PARP8: variants seen among roughly 807,000 people sequenced by gnomAD.
PARP8 encodes poly(ADP-ribose) polymerase family member 8, also known as protein mono-ADP-ribosyltransferase PARP8.
A neutral mutation model predicts 124.1 loss-of-function variants in PARP8; 51 were observed. The ratio of observed to expected loss-of-function variants is 0.41; its 90% CI spans 0.33 to 0.52. PARP8 has a LOEUF of 0.52. Ranked by LOEUF, PARP8 falls within the 20% of genes least tolerant of loss-of-function variation. The pLI is 0.21. For missense variants in PARP8, 860 were observed against 1,018.9 expected (o/e 0.84, Z 2.12); for synonymous variants, 391 against 361.5 (o/e 1.08, Z -0.93).
intron 7 of PARP8, among the ~76,000 whole-genome samples, chr5:50,771,790 T>C (rs1348337119): frequency 1.3e-5 from 2 of 152,238 alleles, no homozygotes; most frequent in African/African-American, 4.8e-5. Context: ...TCAATACATA[T>C]ATACATTGTG....
At chr5:50,751,852 G>A (rs1263202793) in intron 3 of PARP8, among the ~76,000 whole-genome samples, 1 of 152,132 alleles carries the variant, frequency 6.6e-6, no homozygotes, top group East Asian at 1.9e-4. Flanking sequence ...ATATGATAAT[G>A]TTTTCCCCAT....
At chr5:50,675,584 C>T (rs1010125212) in intron 2 of PARP8, among the ~76,000 whole-genome samples, 11 of 152,224 alleles carry the variant, frequency 7.2e-5, no homozygotes, top group African/African-American at 1.9e-4. Flanking sequence ...GTTGGGATTA[C>T]GGGCGTGAGC....
At chr5:50,799,168 T>C (rs1401052984) in intron 14 of PARP8, among the ~76,000 whole-genome samples, 1 of 152,216 alleles carries the variant, frequency 6.6e-6, no homozygotes, top group Non-Finnish European at 1.5e-5. Context: ...CACAGTGCAC[T>C]TATGTTTCCC....
In PARP8 at chr5:50,795,408, T is replaced by G; in HGVS notation, c.1419T>G (p.Ser473=). The G allele has an allele frequency of 6.3e-7, 1 of 1,590,836 alleles. No individual in the cohort carries two copies. The highest frequency in any genetic ancestry group is 8.5e-7 in the Non-Finnish European group (1 of 1,171,612). ...GILTPSSSSS[S]QLAPNGAKCI... Reference sequence around the variant, plus strand: ...TAACACCATCTTCATCTTCATCTTCTCAGCTTGCTGTGCGTAAATATTTTC... The same window carrying G: ...TAACACCATCTTCATCTTCATCTTCGCAGCTTGCTGTGCGTAAATATTTTC... Residue 473 remains serine, a synonymous_variant, in exon 12 of 26, where the codon TCT becomes TCG. Transcript: ENST00000281631.
intron 6 of PARP8, 67 bp downstream of exon 6, chr5:50,761,965 A>G (rs1760590001): frequency 1.9e-6 from 2 of 1,029,336 alleles, no homozygotes; most frequent in South Asian, 2.9e-5. Context: ...CCTAGTGGTA[A>G]TCTGTGCCTG....
At chr5:50,683,441 C>A (rs1156271536) in intron 2 of PARP8, among the ~76,000 whole-genome samples, 3 of 152,128 alleles carry the variant, frequency 2.0e-5, no homozygotes, top group Admixed American at 2.0e-4. Flanking sequence ...AGACACTATA[C>A]CAGCTTCCTG....
chr5:50,838,116 G>T (rs1408578434), intron 25 of PARP8, among the ~76,000 whole-genome samples: 2 of 152,006 alleles, frequency 1.3e-5, no homozygotes, highest in African/African-American at 2.4e-5. Flanking sequence ...CTCAAAAAGG[G>T]CTAATACCTC....
chr5:50,670,328 A>T (rs1229197830), intron 2 of PARP8, among the ~76,000 whole-genome samples: 7 of 152,196 alleles, frequency 4.6e-5, no homozygotes, highest in Non-Finnish European at 1.0e-4. Context: ...ATTTCATCTA[A>T]CCATTAAGAA....
intron 14 of PARP8, among the ~76,000 whole-genome samples, chr5:50,799,639 C>T (rs1356463639): frequency 6.6e-6 from 1 of 152,134 alleles, no homozygotes; most frequent in East Asian, 1.9e-4. Flanking sequence ...AATTGTAAAT[C>T]GGTTTGAAGA....
chr5:50,741,413 C>A lies in PARP8; in HGVS notation c.147-8738C>A, dbSNP rs1307581677. Among the ~76,000 whole-genome samples, 6 of 152,204 alleles carry A rather than the reference C, an allele frequency of 3.9e-5. No individual in the cohort carries two copies. In the East Asian group the frequency reaches 5.8e-4, roughly 15 times the overall value. Reference sequence around the variant, plus strand: ...ATGGAACTAAGGTAGTGTAAAAAAACCATTTTCTCACTTGCTTTTAAAAAT... The same window carrying A: ...ATGGAACTAAGGTAGTGTAAAAAAAACATTTTCTCACTTGCTTTTAAAAAT... On this transcript the variant is annotated intron_variant, in intron 2 of 25. Transcript: ENST00000281631.
chr5:50,667,902 C>T, intron 1 of PARP8, 169 bp from the exon 2 acceptor site: 2 of 1,495,400 alleles, frequency 1.3e-6, no homozygotes, highest in South Asian at 2.6e-5. Context: ...CAGTCGGGGG[C>T]GCGCCGCATC....
chr5:50,818,176 GCCC>G (rs60341773), intron 15 of PARP8, among the ~76,000 whole-genome samples: 2 of 105,632 alleles, frequency 1.9e-5, no homozygotes, highest in African/African-American at 6.9e-5. Flanking sequence ...ATATCATTTA[GCCC>G]CCCCCCCCCC....
At chr5:50,825,608 C>A (rs1163069559) in intron 18 of PARP8, among the ~76,000 whole-genome samples, 2 of 152,138 alleles carry the variant, frequency 1.3e-5, no homozygotes, top group Non-Finnish European at 2.9e-5. Context: ...ATAATTTCCT[C>A]TCTTGTTTCT....
chr5:50,824,830 T>G (rs1360388884), intron 17 of PARP8, 78 bp from the exon 18 acceptor site: 1 of 1,171,018 alleles, frequency 8.5e-7, no homozygotes, highest in Non-Finnish European at 1.3e-6. Flanking sequence ...GGCATATCGT[T>G]TGGTCTGATT....
intron 25 of PARP8, among the ~76,000 whole-genome samples, chr5:50,836,475 AGAGCTGTTATACATTCCCAG>A (rs1747595728): frequency 6.6e-6 from 1 of 152,210 alleles, no homozygotes; most frequent in South Asian, 2.1e-4. Context: ...TATTAGCACC[AGAGCTGTTATACATTCCCAG>A]GTACAAAAGG....
chr5:50,733,221 G>C (rs938914444), intron 2 of PARP8, among the ~76,000 whole-genome samples: 1 of 151,654 alleles, frequency 6.6e-6, no homozygotes, highest in African/African-American at 2.4e-5. Context: ...TTGAACCAGG[G>C]AGGTGGTAGT....
intron 2 of PARP8, among the ~76,000 whole-genome samples, chr5:50,691,422 C>A (rs956037047): frequency 6.6e-6 from 1 of 152,126 alleles, no homozygotes; most frequent in Non-Finnish European, 1.5e-5. Flanking sequence ...TTTGGAAGTG[C>A]GCTCCTCTCT....
intron 2 of PARP8, among the ~76,000 whole-genome samples, chr5:50,691,287 C>G (rs186863410): frequency 5.9e-5 from 9 of 152,294 alleles, no homozygotes; most frequent in Admixed American, 5.9e-4. Context: ...TCTTTTCTGT[C>G]CATCCTCAGG....
chr5:50,707,130 G>T (rs1401731899), intron 2 of PARP8, among the ~76,000 whole-genome samples: 2 of 151,938 alleles, frequency 1.3e-5, no homozygotes, highest in Non-Finnish European at 2.9e-5. Flanking sequence ...GTACACATAA[G>T]AACATTTACT....
Sources: gnomAD v4.1 joint callset for allele counts (sites outside exome capture counted in the v4.1 genomes callset) on GRCh38, gnomAD v4.1.1 for gene constraint, MANE v1.5 for transcripts, NCBI Gene and HGNC (gene_info 2026-07-23, HGNC 2026-07-21) for gene names.